Variants in LEPROTL1 observed in about 807,000 individuals in gnomAD.
LEPROTL1 encodes the protein leptin receptor overlapping transcript-like 1.
A neutral mutation model predicts 15.4 loss-of-function variants in LEPROTL1; 6 were observed. That is an observed-to-expected ratio of 0.39 (90% CI 0.21 to 0.77). The LOEUF (loss-of-function observed/expected upper bound fraction) is 0.77, where lower values mean the gene tolerates loss of function less well. Ranked by LOEUF, LEPROTL1 falls within the 30% of genes least tolerant of loss-of-function variation. The pLI, the probability that LEPROTL1 is intolerant of heterozygous loss-of-function variation, is 0.41. For synonymous variants in LEPROTL1, 56 were observed against 52.6 expected (o/e 1.06, Z -0.28); for missense variants, 128 against 158.1 (o/e 0.81, Z 1.02).
chr8:30,099,088 C>T (rs1802419433), intron 1 of LEPROTL1, among the ~76,000 whole-genome samples: 1 of 152,188 alleles, frequency 6.6e-6, no homozygotes, highest in South Asian at 2.1e-4. Context: ...CTCTACCTGA[C>T]GTTTGTCATC....
intron 2 of LEPROTL1, among the ~76,000 whole-genome samples, chr8:30,102,575 C>T (rs991298826): frequency 1.3e-5 from 2 of 151,556 alleles, no homozygotes; most frequent in African/African-American, 4.9e-5. Context: ...TCGCCTGAAC[C>T]CAGGAGATGG....
At chr8:30,129,945 C>T (rs890711841) in intron 3 of LEPROTL1, among the ~76,000 whole-genome samples, 5 of 151,950 alleles carry the variant, frequency 3.3e-5, no homozygotes, top group South Asian at 2.1e-4. Flanking sequence ...GAAGGCGTTA[C>T]GCACTTTTAT....
rs888791988 is a variant in LEPROTL1, at chr8:30,095,447, G to T, written c.-66G>T. 6 of 1,452,542 alleles carry T rather than the reference G, an allele frequency of 4.1e-6. No individual in the cohort carries two copies. Among genetic ancestry groups the T allele is most frequent in the South Asian group, 2.6e-5 (2 of 76,648 alleles). The allele number at this position is 1,452,542 out of a possible 1,614,324, so 90.0% of individuals were successfully genotyped here. A position where few individuals can be genotyped will look rare whatever the true frequency, so the allele number is the denominator to read the frequency against. On this transcript the variant is annotated 5_prime_UTR_variant, in exon 1 of 4. Transcript: ENST00000321250. ...TGTCTGGCCGCCGTAGCGCGTCTTGGGTCTCCCGGCTGCCGCTGCTGCCGC... is the reference window on the plus strand; with the variant it reads ...TGTCTGGCCGCCGTAGCGCGTCTTGTGTCTCCCGGCTGCCGCTGCTGCCGC...
chr8:30,106,596 G>A lies in LEPROTL1; in HGVS notation c.*734G>A. The A allele has an allele frequency of 2.0e-6, 2 of 983,370 alleles. No homozygotes were observed. The highest frequency in any genetic ancestry group is 2.4e-6 in the Non-Finnish European group (2 of 827,738). The allele number at this position is 983,370 out of a possible 1,614,324, so 60.9% of individuals were successfully genotyped here. On this transcript the variant is annotated 3_prime_UTR_variant, in exon 4 of 4. Coordinates refer to ENST00000321250, the MANE Select transcript of LEPROTL1 (RefSeq NM_015344.3). ...AAGGTAAGGGTGTAAAAACATTTTTGAGATAAGGTTTTTATTTATGTTTAT... is the reference window on the plus strand; with the variant it reads ...AAGGTAAGGGTGTAAAAACATTTTTAAGATAAGGTTTTTATTTATGTTTAT...
Position 30,097,925 on chromosome 8 carries a change from A to G in LEPROTL1, c.16+2397A>G, listed in dbSNP as rs976079401. ...TTTTTTTTTTAAGGAATCATTTTTC[A>G]TTAACTTTGTAAGAGTGTAATCAAA... On this transcript the variant is annotated intron_variant, in intron 1 of 3. Coordinates refer to ENST00000321250, the MANE Select transcript of LEPROTL1 (RefSeq NM_015344.3). 2.1e-5 allele frequency among the ~76,000 whole-genome samples: 3 copies of G among 142,592 alleles called. No individual in the cohort carries two copies. The Admixed American group carries it at 2.1e-4, about 10-fold the overall frequency. 93.5% of individuals were successfully genotyped at this position (142,592 alleles called of 152,430 possible).
At position 30,101,990 on chromosome 8, in the gene LEPROTL1, T is replaced by A; in HGVS notation, c.92+17T>A. On this transcript the variant is annotated intron_variant, in intron 2 of 3. Coordinates refer to ENST00000321250, the MANE Select transcript of LEPROTL1 (RefSeq NM_015344.3). ...AATATACAAGTATGTAAAATGTTTG[T>A]CTTTCTGAATATTTAAGGGTAAAAT... The A allele has an allele frequency of 1.3e-6, 2 of 1,529,126 alleles. No individual in the cohort carries two copies. Among genetic ancestry groups the A allele is most frequent in the Non-Finnish European group, 1.8e-6 (2 of 1,117,576 alleles). The allele number at this position is 1,529,126 out of a possible 1,614,324, so 94.7% of individuals were successfully genotyped here. A position where few individuals can be genotyped will look rare whatever the true frequency, so the allele number is the denominator to read the frequency against.
rs954257071 is a variant in LEPROTL1 at position 30,132,106 on chromosome 8, G to A, written c.280-269G>A. The A allele has an allele frequency of 3.9e-6, 6 of 1,551,636 alleles. No individual in the cohort carries two copies. In the African/African-American group the frequency reaches 8.2e-5, roughly 21 times the overall value. On this transcript the variant is annotated intron_variant, in intron 3 of 4. Transcript: ENST00000442880. ...AATGATCAACTGGGTGTGGGCCCAG[G>A]TGAGGGTTCTATAGAACAGCCTCAT... is the stretch of plus-strand genomic sequence containing the variant.
intron 3 of LEPROTL1, among the ~76,000 whole-genome samples, chr8:30,124,737 G>A (rs954838225): frequency 2.0e-5 from 3 of 152,034 alleles, no homozygotes; most frequent in African/African-American, 7.2e-5. Context: ...AAAATAAAAT[G>A]TACTTAGGGT....
At chr8:30,119,457 C>A (rs769792776) in intron 3 of LEPROTL1, among the ~76,000 whole-genome samples, 2 of 152,174 alleles carry the variant, frequency 1.3e-5, no homozygotes, top group East Asian at 3.9e-4. Flanking sequence ...GGATTATAGG[C>A]GTGAGCTGCC....
At position 30,105,936 on chromosome 8, in the gene LEPROTL1, C is replaced by A; in HGVS notation, c.*74C>A. The A allele has an allele frequency of 7.2e-7, 1 of 1,392,874 alleles. No homozygotes were observed. Among genetic ancestry groups the A allele is most frequent in the Non-Finnish European group, 9.4e-7 (1 of 1,062,730 alleles). The allele number at this position is 1,392,874 out of a possible 1,614,324, so 86.3% of individuals were successfully genotyped here. Reference sequence around the variant, plus strand: ...CCATTCACGCACACAGGAGATGGGGCAGTTAATGCTGAATGGTATAGCAAG... The same window carrying A: ...CCATTCACGCACACAGGAGATGGGGAAGTTAATGCTGAATGGTATAGCAAG... On this transcript the variant is annotated 3_prime_UTR_variant, in exon 4 of 4. Coordinates refer to ENST00000321250, the MANE Select transcript of LEPROTL1 (RefSeq NM_015344.3).
downstream of LEPROTL1, among the ~76,000 whole-genome samples, chr8:30,108,776 G>A (rs1802612332): frequency 1.3e-5 from 2 of 151,856 alleles, no homozygotes; most frequent in South Asian, 4.1e-4. Flanking sequence ...TACAGGCATA[G>A]GTCACCACAC....
intron 2 of LEPROTL1, among the ~76,000 whole-genome samples, 165 bp from the exon 3 acceptor site, chr8:30,104,135 C>A (rs1802517000): frequency 6.6e-6 from 1 of 152,034 alleles, no homozygotes; most frequent in South Asian, 2.1e-4. Context: ...TTTGGGAGTT[C>A]CTCGTGTTGT....
intron 2 of LEPROTL1, among the ~76,000 whole-genome samples, chr8:30,102,652 C>CA (rs199960893): frequency 0.015 from 1,522 of 100,936 alleles, 26 homozygotes; most frequent in African/African-American, 0.044. Flanking sequence ...ACTCTGTTTC[C>CA]AAAAAAAAAA....
Position 30,106,187 on chromosome 8 carries a change from T to G in LEPROTL1, c.*325T>G. 1 of 988,890 alleles carries G rather than the reference T, an allele frequency of 1.0e-6. No homozygotes were observed. Among genetic ancestry groups the G allele is most frequent in the South Asian group, 4.7e-5 (1 of 21,326 alleles). The allele number at this position is 988,890 out of a possible 1,614,324, so 61.3% of individuals were successfully genotyped here. On this transcript the variant is annotated 3_prime_UTR_variant, in exon 4 of 4. Transcript: ENST00000321250. ...GAATCAATATGCAATGTTAAACACT[T>G]TTTTAATGTAATCATTTGCATTGGT... is the stretch of plus-strand genomic sequence containing the variant.
At chr8:30,097,362 A>G (rs1347357070) in intron 1 of LEPROTL1, among the ~76,000 whole-genome samples, 1 of 152,048 alleles carries the variant, frequency 6.6e-6, no homozygotes, top group African/African-American at 2.4e-5. Flanking sequence ...AAACTGTGTT[A>G]TGAATATTTA....
intron 3 of LEPROTL1, among the ~76,000 whole-genome samples, chr8:30,116,976 G>A (rs1382373637): frequency 2.0e-5 from 3 of 152,138 alleles, no homozygotes; most frequent in Non-Finnish European, 4.4e-5. Flanking sequence ...GCTAGTGCTG[G>A]AGAATTGGTC....
rs540627925 is a variant in LEPROTL1, at chr8:30,103,836, TG to T, written c.93-462del. 1.2e-4 allele frequency among the ~76,000 whole-genome samples: 19 copies of T among 152,270 alleles called. No individual in the cohort carries two copies. The South Asian group carries it at 3.7e-3, about 30-fold the overall frequency. On this transcript the variant is annotated intron_variant, in intron 2 of 3. Coordinates refer to ENST00000321250, the MANE Select transcript of LEPROTL1 (RefSeq NM_015344.3). ...CCACCATGATACCTATTTTATTCTA[TG>T]GTAGTTTTAAGGGCATCTATTTCTT... is the stretch of plus-strand genomic sequence containing the variant.
At chr8:30,117,521 A>T in intron 3 of LEPROTL1, 1 of 1,351,748 alleles carries the variant, frequency 7.4e-7, no homozygotes, top group Admixed American at 1.7e-5. Context: ...ATTTTTCCAG[A>T]TCTTTGAGTT....
At chr8:30,103,422 C>A (rs1454027067) in intron 2 of LEPROTL1, among the ~76,000 whole-genome samples, 1 of 152,080 alleles carries the variant, frequency 6.6e-6, no homozygotes, top group Non-Finnish European at 1.5e-5. Flanking sequence ...AGCATATATT[C>A]AATTTTTAAT....
Sources: allele counts gnomAD v4.1 joint callset (sites outside exome capture counted in the v4.1 genomes callset), GRCh38; gene constraint gnomAD v4.1.1; transcripts MANE v1.5; gene names NCBI Gene and HGNC (gene_info 2026-07-23, HGNC 2026-07-21).